The following AGBL1 variants were observed in gnomAD, a reference collection of about 807,000 sequenced individuals.
AGBL1 encodes cytosolic carboxypeptidase 4.
A neutral mutation model predicts 118.9 loss-of-function variants in AGBL1; 130 were observed. The observed-to-expected ratio is 1.09, with a 90% CI of 0.95 to 1.26. AGBL1 has a LOEUF of 1.26. Among genes scored for constraint, AGBL1 ranks in the 50% most tolerant of loss-of-function variants. The pLI, the probability that AGBL1 is intolerant of heterozygous loss-of-function variation, is 0.00. For missense variants in AGBL1, 1,584 were observed against 1,298.1 expected, an observed-to-expected ratio of 1.22 and a Z score of -3.38; for synonymous variants, 555 against 478.9, an observed-to-expected ratio of 1.16 and a Z score of -2.08.
chr15:86,250,579 G>T (rs1476993684), intron 7 of AGBL1, among the ~76,000 whole-genome samples: 1 of 124,592 alleles, frequency 8.0e-6, no homozygotes, highest in Non-Finnish European at 1.6e-5. Context: ...AAAAAGGTGT[G>T]CTCTTCCAGA....
rs567244099 is a variant in AGBL1 at position 86,710,291 on chromosome 15, G to C, written c.3158+35855G>C. Among the ~76,000 whole-genome samples, 15 of 152,272 alleles carry C rather than the reference G, an allele frequency of 9.9e-5. No homozygotes were observed. In the South Asian group the frequency reaches 1.9e-3, roughly 19 times the overall value. ...CATGTTGGGGTGATGCACGTGATTA[G>C]AGAATTCATCGCTTTACTTAGTAAG... is the stretch of plus-strand genomic sequence containing the variant. On this transcript the variant is annotated intron_variant, in intron 22 of 22. Transcript: ENST00000614907.
chr15:86,676,276 A>T (rs2085845390), intron 22 of AGBL1, among the ~76,000 whole-genome samples: 1 of 152,102 alleles, frequency 6.6e-6, no homozygotes. Flanking sequence ...TCACCCAGAC[A>T]TTTGTATGGT....
Position 86,389,694 on chromosome 15 carries a change from A to G in AGBL1, c.2375-7672A>G, listed in dbSNP as rs532058747. Among the ~76,000 whole-genome samples, 4 of 152,328 alleles carry G rather than the reference A, an allele frequency of 2.6e-5. No homozygotes were observed. The East Asian group carries it at 5.8e-4, about 22-fold the overall frequency. ...TAGGATATGTAGTGGAAACTAAAAT[A>G]TAGTAGATTATATTATACTATAATA... On this transcript the variant is annotated intron_variant, in intron 17 of 22. Transcript: ENST00000614907.
chr15:86,459,393 G>T (rs911624823), intron 18 of AGBL1, among the ~76,000 whole-genome samples: 1 of 152,116 alleles, frequency 6.6e-6, no homozygotes, highest in Non-Finnish European at 1.5e-5. Flanking sequence ...TTGTCCCCAA[G>T]ATTGAGACTG....
intron 18 of AGBL1, among the ~76,000 whole-genome samples, chr15:86,510,335 A>G (rs999309441): frequency 1.9e-5 from 2 of 108,028 alleles, no homozygotes; most frequent in Admixed American, 1.9e-4. Context: ...TCAACTCATC[A>G]GGGGAATTCC....
chr15:86,266,978 A>C lies in AGBL1; in HGVS notation c.1752-12A>C. ...TAACACATATGTTCACATGTTCCTT[A>C]TTTCATTGTAGGCCTTTGCAAGACA... On this transcript the variant is annotated splice_polypyrimidine_tract_variant and intron_variant, in intron 12 of 22. Coordinates refer to ENST00000614907, the MANE Select transcript of AGBL1 (RefSeq NM_001386094.1). 1.9e-6 allele frequency: 3 copies of C among 1,551,926 alleles called. No homozygotes were observed. The highest frequency in any genetic ancestry group is 2.6e-6 in the Non-Finnish European group (3 of 1,142,618).
At chr15:86,181,330 A>C (rs1210618989) in intron 5 of AGBL1, among the ~76,000 whole-genome samples, 2 of 152,132 alleles carry the variant, frequency 1.3e-5, no homozygotes, top group African/African-American at 2.4e-5. Flanking sequence ...ATTGTTCAAC[A>C]ATACAAAGAG....
chr15:86,672,210 G>A (rs12905245), intron 21 of AGBL1, among the ~76,000 whole-genome samples: 72,237 of 152,140 alleles, frequency 0.47, 17,315 homozygotes, highest in Middle Eastern at 0.53. Flanking sequence ...CACAGCCAAT[G>A]AAGTGGTACA....
chr15:86,312,550 A>G (rs2079936566), intron 17 of AGBL1, among the ~76,000 whole-genome samples: 1 of 152,244 alleles, frequency 6.6e-6, no homozygotes, highest in East Asian at 1.9e-4. Context: ...TCCTGGTAAC[A>G]GATGATCGCA....
intron 19 of AGBL1, among the ~76,000 whole-genome samples, chr15:86,525,809 T>TAATTTATGGTGAAGACTCC (rs2083255182): frequency 1.3e-5 from 2 of 152,030 alleles, no homozygotes; most frequent in African/African-American, 4.8e-5. Flanking sequence ...CATAGGCAAA[T>TAATTTATGGTGAAGACTCC]AATTTATGGT....
chr15:86,168,584 G>C (rs552200311), intron 5 of AGBL1, among the ~76,000 whole-genome samples: 2 of 152,132 alleles, frequency 1.3e-5, no homozygotes, highest in Admixed American at 6.5e-5. Context: ...AATAGGGAAT[G>C]CTTGGTAAAA....
At chr15:86,696,200 T>C (rs1286055308) in intron 22 of AGBL1, among the ~76,000 whole-genome samples, 1 of 152,072 alleles carries the variant, frequency 6.6e-6, no homozygotes, top group Non-Finnish European at 1.5e-5. Flanking sequence ...CCACTATTAT[T>C]GTGTTGCTGT....
At chr15:86,468,087 T>C (rs1483920274) in intron 18 of AGBL1, among the ~76,000 whole-genome samples, 1 of 152,098 alleles carries the variant, frequency 6.6e-6, no homozygotes, top group Non-Finnish European at 1.5e-5. Flanking sequence ...CTCCCAGACA[T>C]GCAAGTATAT....
chr15:86,463,623 G>A (rs988630822), intron 18 of AGBL1, among the ~76,000 whole-genome samples: 2 of 152,142 alleles, frequency 1.3e-5, no homozygotes, highest in Non-Finnish European at 2.9e-5. Flanking sequence ...TGTATAAGTT[G>A]TAAGGAAGGG....
At chr15:86,857,342 C>G (rs2079497522) in intron 22 of AGBL1, among the ~76,000 whole-genome samples, 1 of 152,186 alleles carries the variant, frequency 6.6e-6, no homozygotes, top group Non-Finnish European at 1.5e-5. Context: ...AGGCCATGAT[C>G]TTTCTCATGG....
chr15:86,372,187 G>A (rs905199631), intron 17 of AGBL1, among the ~76,000 whole-genome samples: 1 of 152,212 alleles, frequency 6.6e-6, no homozygotes, highest in Non-Finnish European at 1.5e-5. Context: ...TCCATGTTGT[G>A]CTTTTCCAGG....
intron 18 of AGBL1, among the ~76,000 whole-genome samples, chr15:86,404,148 C>T (rs1387407513): frequency 6.6e-6 from 1 of 152,146 alleles, no homozygotes; most frequent in African/African-American, 2.4e-5. Context: ...ATCTTGCTGA[C>T]TCAGATCTTC....
intron 1 of AGBL1, among the ~76,000 whole-genome samples, chr15:86,125,469 G>T (rs572235620): frequency 2.0e-5 from 3 of 152,260 alleles, no homozygotes; most frequent in East Asian, 3.9e-4. Flanking sequence ...GCTGCGTTGA[G>T]AACTCCCATT....
chr15:86,179,610 A>G (rs1422348370), intron 5 of AGBL1, among the ~76,000 whole-genome samples: 1 of 152,094 alleles, frequency 6.6e-6, no homozygotes, highest in Non-Finnish European at 1.5e-5. Context: ...CTTCATGGTT[A>G]AAAGACTGAA....
Sources: gnomAD v4.1 joint callset for allele counts (sites outside exome capture counted in the v4.1 genomes callset) on GRCh38, gnomAD v4.1.1 for gene constraint, MANE v1.5 for transcripts, NCBI Gene and HGNC (gene_info 2026-07-23, HGNC 2026-07-21) for gene names.